Variants in RBPJ observed in about 807,000 individuals in gnomAD.
RBPJ encodes recombination signal binding protein for immunoglobulin kappa J region, also known as recombining binding protein suppressor of hairless.
In RBPJ, 9 loss-of-function variants were observed where a neutral mutation model predicts 67.8. The observed-to-expected ratio is 0.13, with a 90% CI of 0.08 to 0.23. The LOEUF (loss-of-function observed/expected upper bound fraction) is 0.23, where lower values mean the gene tolerates loss of function less well. RBPJ is among the 10% of genes least tolerant of loss of function. The pLI is 1.00. For synonymous variants in RBPJ, 198 were observed against 203.3 expected (o/e 0.97, Z 0.22); for missense variants, 305 against 595.6 (o/e 0.51, Z 5.08).
chr4:26,265,767 G>A (rs1000869970), intron 1 of RBPJ, among the ~76,000 whole-genome samples: 3 of 151,902 alleles, frequency 2.0e-5, no homozygotes, highest in Non-Finnish European at 4.4e-5. Flanking sequence ...GGCCAGGCAC[G>A]GTGGCTCACG....
At chr4:26,172,455 T>C (rs1462667634) in intron 1 of RBPJ, among the ~76,000 whole-genome samples, 4 of 152,164 alleles carry the variant, frequency 2.6e-5, no homozygotes, top group Non-Finnish European at 5.9e-5. Context: ...AGCAATCCCC[T>C]CTGTCTCAGC....
the RBPJ span, among the ~76,000 whole-genome samples, chr4:26,124,001 CAT>C: frequency 6.6e-6 from 1 of 152,034 alleles, no homozygotes; most frequent in Non-Finnish European, 1.5e-5. Context: ...GAACCAGTAA[CAT>C]AGTCATTTAT....
At chr4:26,398,806 G>T (rs2109704662) in intron 2 of RBPJ, among the ~76,000 whole-genome samples, 1 of 152,070 alleles carries the variant, frequency 6.6e-6, no homozygotes, top group South Asian at 2.1e-4. Context: ...TAGAGATGGG[G>T]TTTCTCTATG....
chr4:26,399,771 C>A (rs1400417760), intron 2 of RBPJ, among the ~76,000 whole-genome samples: 1 of 152,024 alleles, frequency 6.6e-6, no homozygotes. Context: ...CTGCAACCTC[C>A]GCCTCCTGGG....
At chr4:26,322,685 ACG>A (rs932809413) in intron 1 of RBPJ, among the ~76,000 whole-genome samples, 41 of 147,702 alleles carry the variant, frequency 2.8e-4, no homozygotes, top group Non-Finnish European at 3.9e-4. Flanking sequence ...ACACACACAC[ACG>A]TAATAGCCTG....
At chr4:26,181,595 G>A (rs1394169338) in intron 1 of RBPJ, among the ~76,000 whole-genome samples, 1 of 152,116 alleles carries the variant, frequency 6.6e-6, no homozygotes, top group African/African-American at 2.4e-5. Context: ...ATCGCAGAGT[G>A]TACTTACACA....
intron 1 of RBPJ, among the ~76,000 whole-genome samples, chr4:26,192,833 T>C (rs1717617306): frequency 6.6e-6 from 1 of 152,192 alleles, no homozygotes; most frequent in Non-Finnish European, 1.5e-5. Context: ...AAAATGTCCA[T>C]ATCCTAGTCA....
At chr4:26,280,962 GA>G (rs1170534864) in intron 1 of RBPJ, among the ~76,000 whole-genome samples, 1 of 151,974 alleles carries the variant, frequency 6.6e-6, no homozygotes, top group East Asian at 1.9e-4. Context: ...CTTATATATT[GA>G]GTAACCAAAA....
intron 1 of RBPJ, among the ~76,000 whole-genome samples, chr4:26,196,630 A>G (rs548591704): frequency 6.6e-6 from 1 of 152,342 alleles, no homozygotes; most frequent in Admixed American, 6.5e-5. Flanking sequence ...TTGAGCTCAG[A>G]TTTTCTGACT....
chr4:26,149,747 ATTTCT>A, the RBPJ span, among the ~76,000 whole-genome samples: 1 of 152,132 alleles, frequency 6.6e-6, no homozygotes, highest in Non-Finnish European at 1.5e-5. Context: ...TGAGAAGTAA[ATTTCT>A]TTTCTTTGTA....
At chr4:26,245,208 T>A (rs1180687579) in intron 1 of RBPJ, among the ~76,000 whole-genome samples, 1 of 142,664 alleles carries the variant, frequency 7.0e-6, no homozygotes, top group Non-Finnish European at 1.5e-5. Context: ...ATTGTATTTT[T>A]TTTTTTTTTT....
At chr4:26,242,498 A>G (rs1203306568) in intron 1 of RBPJ, among the ~76,000 whole-genome samples, 1 of 151,892 alleles carries the variant, frequency 6.6e-6, no homozygotes, top group African/African-American at 2.4e-5. Context: ...AGTGTGGTCC[A>G]CAGATCCTCA....
intron 2 of RBPJ, among the ~76,000 whole-genome samples, chr4:26,399,585 G>C (rs1732549096): frequency 6.6e-6 from 1 of 151,664 alleles, no homozygotes; most frequent in African/African-American, 2.4e-5. Flanking sequence ...TCAAAAAATT[G>C]ACAGAGGTAA....
chr4:26,124,253 C>T, the RBPJ span, among the ~76,000 whole-genome samples: 2 of 151,546 alleles, frequency 1.3e-5, no homozygotes, highest in African/African-American at 4.9e-5. Context: ...CATTCTTATG[C>T]CTTTGCATCC....
intron 1 of RBPJ, among the ~76,000 whole-genome samples, chr4:26,368,411 T>G (rs1728831337): frequency 6.6e-6 from 1 of 152,190 alleles, no homozygotes; most frequent in South Asian, 2.1e-4. Flanking sequence ...CCCCTTAAGT[T>G]ATGTTTACTC....
At chr4:26,313,464 G>A (rs910710059) in intron 1 of RBPJ, among the ~76,000 whole-genome samples, 2 of 151,968 alleles carry the variant, frequency 1.3e-5, no homozygotes, top group African/African-American at 2.4e-5. Context: ...TCAGGAGATC[G>A]AGACCATTCT....
Position 26,255,693 on chromosome 4 carries a change from G to A in RBPJ, c.-167+92079G>A, listed in dbSNP as rs190028708. On this transcript the variant is annotated intron_variant, in intron 1 of 4. Transcript: ENST00000512351. Reference sequence around the variant, plus strand: ...GGCAGGTGCCTGTAGTCCCAGCTACGCGGGAGGCTGAGGCAGGACAATGGC... The same window carrying A: ...GGCAGGTGCCTGTAGTCCCAGCTACACGGGAGGCTGAGGCAGGACAATGGC... Among the ~76,000 whole-genome samples, 908 of 149,666 alleles carry A rather than the reference G, an allele frequency of 6.1e-3. 16 individuals are homozygous for A. Among genetic ancestry groups the A allele is most frequent in the African/African-American group, 0.022 (863 of 40,130 alleles).
At chr4:26,106,752 C>T in the RBPJ span, among the ~76,000 whole-genome samples, 1 of 152,182 alleles carries the variant, frequency 6.6e-6, no homozygotes, top group East Asian at 1.9e-4. Flanking sequence ...CTCCTTTAAA[C>T]TGGCTAGAAT....
intron 4 of RBPJ, among the ~76,000 whole-genome samples, chr4:26,419,018 G>A (rs556728420): frequency 4.9e-4 from 74 of 152,204 alleles, no homozygotes; most frequent in African/African-American, 1.6e-3. Context: ...CCACCGTGCC[G>A]CCCAGGCTGG....
Sources: allele counts gnomAD v4.1 joint callset (sites outside exome capture counted in the v4.1 genomes callset), GRCh38; gene constraint gnomAD v4.1.1; transcripts MANE v1.5; gene names NCBI Gene and HGNC (gene_info 2026-07-23, HGNC 2026-07-21).